ALMS1: variants seen among roughly 807,000 people sequenced by gnomAD.
ALMS1 encodes the protein centrosome-associated protein ALMS1.
In ALMS1, 271 loss-of-function variants were observed where a neutral mutation model predicts 352.2. The observed-to-expected ratio is 0.77, with a 90% CI of 0.70 to 0.85. ALMS1 has a LOEUF of 0.85. Ranked by LOEUF, ALMS1 falls within the 40% of genes least tolerant of loss-of-function variation. The pLI, the probability that ALMS1 is intolerant of heterozygous loss-of-function variation, is 0.00. For missense variants in ALMS1, 5,445 were observed against 4,870.7 expected, an observed-to-expected ratio of 1.12 and a Z score of -3.51; for synonymous variants, 1,865 against 1,761.2, an observed-to-expected ratio of 1.06 and a Z score of -1.48.
At position 73,491,372 on chromosome 2, in the gene ALMS1, T is replaced by G. The variant is rs749569794; in HGVS notation, c.9413T>G (p.Ile3138Ser). ...VQPSLPDSNT[I>S]TQDLKTIPSQ... ...CCTTCTCTTCCAGACAGTAACACTA[T>G]TACTCAGGACTTGAAAACCATACCT... Residue 3138 changes from isoleucine (I) to serine (S), a missense_variant, in exon 10 of 23, where the codon ATT (isoleucine) becomes AGT (serine). By Grantham distance (142) the Ile-to-Ser change is moderately radical. Coordinates refer to ENST00000613296, the MANE Select transcript of ALMS1 (RefSeq NM_001378454.1). 2 of 1,614,182 alleles carry G rather than the reference T, an allele frequency of 1.2e-6. No individual in the cohort carries two copies. Among genetic ancestry groups the G allele is most frequent in the Non-Finnish European group, 1.7e-6 (2 of 1,180,010 alleles).
At chr2:73,571,681 A>G (rs1039054643) in intron 15 of ALMS1, among the ~76,000 whole-genome samples, 1 of 152,154 alleles carries the variant, frequency 6.6e-6, no homozygotes, top group Admixed American at 6.6e-5. Flanking sequence ...TCAAAAAATG[A>G]AGATAGAAAG....
rs762433970 is a variant in ALMS1 at position 73,448,385 on chromosome 2, A to G, written c.1858A>G (p.Thr620Ala). ...AACTGGCATGTCAACTCTAACCTCT[A>G]CTTCCTACTCACATAGAGAGAAGCC... is the stretch of plus-strand genomic sequence containing the variant. The part of the protein sequence containing the change: ...QTTGMSTLTS[T>A]SYSHREKPGT... Residue 620 changes from threonine (T) to alanine (A), a missense_variant, in exon 8 of 23, where the codon ACT (threonine) becomes GCT (alanine). Thr to Ala is a moderately conservative substitution (Grantham distance 58). Transcript: ENST00000613296. The G allele has an allele frequency of 2.5e-6, 4 of 1,614,018 alleles. No individual in the cohort carries two copies. The highest frequency in any genetic ancestry group is 3.4e-6 in the Non-Finnish European group (4 of 1,179,942).
At chr2:73,395,407 A>G (rs1028662409) in intron 1 of ALMS1, among the ~76,000 whole-genome samples, 33 of 152,062 alleles carry the variant, frequency 2.2e-4, no homozygotes, top group African/African-American at 6.0e-4. Context: ...GACCACCATT[A>G]TGTATGTGGT....
intron 10 of ALMS1, among the ~76,000 whole-genome samples, chr2:73,492,079 A>G (rs2103898881): frequency 6.6e-6 from 1 of 152,326 alleles, no homozygotes. Context: ...CTCATAGAGT[A>G]TTGTAGGAAA....
intron 12 of ALMS1, among the ~76,000 whole-genome samples, chr2:73,548,844 G>A (rs747328279): frequency 6.6e-6 from 1 of 151,982 alleles, no homozygotes; most frequent in Non-Finnish European, 1.5e-5. Flanking sequence ...AGAGAAGAGA[G>A]GCCAGTTCCG....
chr2:73,405,685 A>T (rs1218103270), intron 1 of ALMS1, among the ~76,000 whole-genome samples: 3 of 150,306 alleles, frequency 2.0e-5, no homozygotes, highest in African/African-American at 7.3e-5. Context: ...TTTTTTTTTT[A>T]AATATAGGCA....
intron 9 of ALMS1, among the ~76,000 whole-genome samples, chr2:73,484,720 C>A (rs879947065): frequency 2.8e-5 from 4 of 142,938 alleles, no homozygotes; most frequent in Non-Finnish European, 6.2e-5. Flanking sequence ...ACCAATCAGA[C>A]GTAGATTTGT....
chr2:73,589,017 A>C (rs1035255744), intron 16 of ALMS1, among the ~76,000 whole-genome samples: 4 of 152,154 alleles, frequency 2.6e-5, no homozygotes, highest in African/African-American at 4.8e-5. Flanking sequence ...ATGTGTATAT[A>C]TATATACGTA....
At chr2:73,582,950 C>T (rs1429126051) in intron 16 of ALMS1, among the ~76,000 whole-genome samples, 1 of 151,932 alleles carries the variant, frequency 6.6e-6, no homozygotes, top group Non-Finnish European at 1.5e-5. Context: ...TGAGGAGCCT[C>T]AACACTGTTT....
In ALMS1 at chr2:73,426,568, A is replaced by C. The variant is rs752602199; in HGVS notation, c.1338+15A>C. ...TACAAAGAAAGGTGAGACACAATAA[A>C]ATGATAGTTGTAAGAAACGTGGCCT... is the stretch of plus-strand genomic sequence containing the variant. On this transcript the variant is annotated intron_variant, in intron 6 of 22. Coordinates refer to ENST00000613296, the MANE Select transcript of ALMS1 (RefSeq NM_001378454.1). 1.2e-6 allele frequency: 2 copies of C among 1,611,168 alleles called. No individual in the cohort carries two copies. Among genetic ancestry groups the C allele is most frequent in the Non-Finnish European group, 1.7e-6 (2 of 1,177,312 alleles).
intron 1 of ALMS1, among the ~76,000 whole-genome samples, chr2:73,405,215 T>C (rs1670950010): frequency 1.3e-5 from 2 of 151,978 alleles, no homozygotes; most frequent in Non-Finnish European, 2.9e-5. Flanking sequence ...CGCCTGGCCA[T>C]GGGCTTTTCT....
intron 10 of ALMS1, among the ~76,000 whole-genome samples, chr2:73,501,816 T>C (rs1484241315): frequency 6.6e-6 from 1 of 152,072 alleles, no homozygotes; most frequent in Non-Finnish European, 1.5e-5. Context: ...CATACTGGGA[T>C]TTTTTTGGGG....
At chr2:73,410,121 G>A (rs1420409863) in intron 2 of ALMS1, among the ~76,000 whole-genome samples, 2 of 152,050 alleles carry the variant, frequency 1.3e-5, no homozygotes, top group Non-Finnish European at 2.9e-5. Context: ...AGGAACAGTG[G>A]CTAACGCCTG....
chr2:73,391,765 A>G lies in ALMS1; in HGVS notation c.324+5573A>G, dbSNP rs79150122. Among the ~76,000 whole-genome samples the G allele has an allele frequency of 6.6e-5, 10 of 152,288 alleles. No homozygotes were observed. The East Asian group carries it at 1.5e-3, about 23-fold the overall frequency. On this transcript the variant is annotated intron_variant, in intron 1 of 22. Transcript: ENST00000613296. ...TTGTTTTCTTGGCCAGTATTTATCA[A>G]ACTTGACATCAATATTATGCCATTT...
chr2:73,490,254 A>G lies in ALMS1; in HGVS notation c.8295A>G (p.Lys2765=). ...AACAAAATCCTCCCAGAGATCTTAA[A>G]CAGAAAACCTCTTCCCCTTCATCAT... ...TEEQNPPRDL[K]QKTSSPSSFK... is the part of the protein sequence containing the mutation. The change falls in exon 10 of 23, where the codon AAA becomes AAG. Residue 2765 remains lysine (K), a synonymous_variant. Coordinates refer to ENST00000613296, the MANE Select transcript of ALMS1 (RefSeq NM_001378454.1). 1 of 1,614,116 alleles carries G rather than the reference A, an allele frequency of 6.2e-7. No homozygotes were observed. Among genetic ancestry groups the G allele is most frequent in the Non-Finnish European group, 8.5e-7 (1 of 1,180,006 alleles).
intron 1 of ALMS1, among the ~76,000 whole-genome samples, chr2:73,386,915 C>G (rs1260520129): frequency 6.6e-6 from 1 of 152,154 alleles, no homozygotes; most frequent in Non-Finnish European, 1.5e-5. Context: ...GGAGCAAGAC[C>G]TGCCCTGCTC....
chr2:73,587,126 T>C (rs1037662836), intron 16 of ALMS1, among the ~76,000 whole-genome samples: 8 of 152,238 alleles, frequency 5.3e-5, no homozygotes, highest in African/African-American at 1.9e-4. Context: ...ACATTGATTT[T>C]GTATCCTGTA....
At chr2:73,391,735 G>GT (rs1670651669) in intron 1 of ALMS1, among the ~76,000 whole-genome samples, 1 of 152,038 alleles carries the variant, frequency 6.6e-6, no homozygotes, top group Non-Finnish European at 1.5e-5. Flanking sequence ...TTTTCTGTTT[G>GT]TTTTTTGTTT....
chr2:73,541,749 A>G (rs916231700), intron 12 of ALMS1, among the ~76,000 whole-genome samples: 1 of 152,252 alleles, frequency 6.6e-6, no homozygotes, highest in South Asian at 2.1e-4. Context: ...CCTCTATGCG[A>G]ATAAACTAGA....
Sources: allele counts gnomAD v4.1 joint callset (sites outside exome capture counted in the v4.1 genomes callset), GRCh38; gene constraint gnomAD v4.1.1; transcripts MANE v1.5; gene names NCBI Gene and HGNC (gene_info 2026-07-23, HGNC 2026-07-21).